The following FCHSD2 variants were observed in gnomAD, a reference collection of about 807,000 sequenced individuals.
FCHSD2 encodes FCH and double SH3 domains 2, also known as F-BAR and double SH3 domains protein 2.
Under a neutral mutation model 108.1 loss-of-function variants are expected in FCHSD2, and 38 were observed. The observed-to-expected ratio is 0.35, with a 90% CI of 0.27 to 0.46. The LOEUF is 0.46. Ranked by LOEUF, FCHSD2 falls within the 20% of genes least tolerant of loss-of-function variation. FCHSD2 has a pLI of 1.00. For synonymous variants in FCHSD2, 279 were observed against 314.7 expected, an observed-to-expected ratio of 0.89 and a Z score of 1.20; for missense variants, 751 against 897.8, an observed-to-expected ratio of 0.84 and a Z score of 2.09.
At chr11:72,936,147 A>G (rs948001493) in intron 8 of FCHSD2, among the ~76,000 whole-genome samples, 3 of 152,244 alleles carry the variant, frequency 2.0e-5, no homozygotes, top group African/African-American at 4.8e-5. Context: ...TATCTGACAG[A>G]ATCATAAGAG....
At position 72,968,407 on chromosome 11, in the gene FCHSD2, T is replaced by C. The variant is rs1055729614; in HGVS notation, c.705+15681A>G. ...AACGGTTACTCCTCTCCAGAGGCTA[T>C]TTTTCAGATGTGCTATCTTACCTGT... On this transcript the variant is annotated intron_variant, in intron 8 of 19. Coordinates refer to ENST00000409418, the MANE Select transcript of FCHSD2 (RefSeq NM_014824.3). 8.1e-4 allele frequency among the ~76,000 whole-genome samples: 124 copies of C among 152,224 alleles called. 2 individuals carry two copies. The highest frequency in any genetic ancestry group is 2.8e-4 in the Non-Finnish European group (19 of 68,032).
chr11:73,054,716 C>A (rs749908348), intron 3 of FCHSD2, among the ~76,000 whole-genome samples: 2 of 152,032 alleles, frequency 1.3e-5, no homozygotes, highest in Non-Finnish European at 2.9e-5. Flanking sequence ...GGCTTTGTCA[C>A]CCAGGCTGAA....
chr11:73,007,811 G>A (rs1029583187), intron 4 of FCHSD2, among the ~76,000 whole-genome samples: 2 of 152,174 alleles, frequency 1.3e-5, no homozygotes, highest in East Asian at 1.9e-4. Flanking sequence ...TTGGATGACT[G>A]TATCAGTATC....
At chr11:73,021,777 T>C (rs1858112716) in intron 3 of FCHSD2, among the ~76,000 whole-genome samples, 1 of 152,102 alleles carries the variant, frequency 6.6e-6, no homozygotes, top group Non-Finnish European at 1.5e-5. Context: ...AATACGTCCT[T>C]AACCTAATAA....
chr11:73,056,029 TA>T (rs1245691423), intron 3 of FCHSD2, among the ~76,000 whole-genome samples: 1 of 151,956 alleles, frequency 6.6e-6, no homozygotes, highest in African/African-American at 2.4e-5. Context: ...TTTACCACAA[TA>T]AAAAAAATCT....
chr11:73,095,503 G>A (rs1272314078), intron 2 of FCHSD2, among the ~76,000 whole-genome samples: 1 of 152,052 alleles, frequency 6.6e-6, no homozygotes, highest in Non-Finnish European at 1.5e-5. Context: ...AAGAAACAAA[G>A]AGAGTAAGAA....
At chr11:72,983,963 T>G (rs559308407) in intron 8 of FCHSD2, 125 bp downstream of exon 8, 28 of 758,414 alleles carry the variant, frequency 3.7e-5, no homozygotes, top group Non-Finnish European at 5.0e-5. Context: ...ACAAGTATAT[T>G]CCAATGAGAT....
intron 10 of FCHSD2, among the ~76,000 whole-genome samples, chr11:72,893,748 C>CAA (rs369829973): frequency 1.6e-3 from 159 of 101,034 alleles, no homozygotes; most frequent in Middle Eastern, 4.8e-3. Context: ...ACTCTGTCTC[C>CAA]AAAAAAAAAA....
At chr11:73,040,799 G>A (rs1858616933) in intron 3 of FCHSD2, among the ~76,000 whole-genome samples, 1 of 152,060 alleles carries the variant, frequency 6.6e-6, no homozygotes, top group Non-Finnish European at 1.5e-5. Context: ...ATCCGACTGT[G>A]CTATAAAATA....
chr11:73,037,992 T>C (rs1262521383), intron 3 of FCHSD2, among the ~76,000 whole-genome samples: 3 of 152,226 alleles, frequency 2.0e-5, no homozygotes, highest in Non-Finnish European at 4.4e-5. Context: ...ATTACTCTGA[T>C]GAAAAGATTC....
intron 2 of FCHSD2, among the ~76,000 whole-genome samples, chr11:73,130,121 G>A (rs578212525): frequency 2.5e-4 from 38 of 152,026 alleles, no homozygotes; most frequent in Middle Eastern, 3.4e-3. Flanking sequence ...TGATCCGCCC[G>A]CCTTGGCCTC....
intron 2 of FCHSD2, among the ~76,000 whole-genome samples, chr11:73,121,912 G>T (rs1860743215): frequency 6.6e-6 from 1 of 152,108 alleles, no homozygotes; most frequent in Non-Finnish European, 1.5e-5. Flanking sequence ...CACTGGTCTA[G>T]GAAATACACT....
chr11:72,866,032 T>C (rs1250883425), intron 13 of FCHSD2, among the ~76,000 whole-genome samples: 1 of 152,132 alleles, frequency 6.6e-6, no homozygotes, highest in Non-Finnish European at 1.5e-5. Flanking sequence ...CAAAGTCAGA[T>C]GGTATATGGC....
chr11:72,862,563 T>C (rs904879085), intron 13 of FCHSD2, among the ~76,000 whole-genome samples: 2 of 152,176 alleles, frequency 1.3e-5, no homozygotes, highest in African/African-American at 4.8e-5. Flanking sequence ...CTACAAAACA[T>C]TGCTGAGAGA....
At chr11:73,019,447 T>C (rs1475363478) in intron 3 of FCHSD2, among the ~76,000 whole-genome samples, 1 of 152,210 alleles carries the variant, frequency 6.6e-6, no homozygotes, top group Non-Finnish European at 1.5e-5. Context: ...GAGTGGACTT[T>C]ATCTATTTTT....
intron 2 of FCHSD2, among the ~76,000 whole-genome samples, chr11:73,086,408 A>AAAAC (rs972823007): frequency 6.6e-6 from 1 of 152,182 alleles, no homozygotes; most frequent in African/African-American, 2.4e-5. Flanking sequence ...ACTCCATCTC[A>AAAAC]AAACAAACAA....
intron 3 of FCHSD2, among the ~76,000 whole-genome samples, chr11:73,064,641 A>AT (rs746529474): frequency 1.2e-4 from 18 of 152,282 alleles, no homozygotes; most frequent in Non-Finnish European, 2.2e-4. Context: ...TGATATCCTT[A>AT]TATCAGTGGT....
At chr11:73,003,660 G>A (rs1432890761) in intron 4 of FCHSD2, among the ~76,000 whole-genome samples, 1 of 151,026 alleles carries the variant, frequency 6.6e-6, no homozygotes, top group East Asian at 2.0e-4. Flanking sequence ...CTAATTTTTT[G>A]TATTTTTAGT....
intron 13 of FCHSD2, among the ~76,000 whole-genome samples, chr11:72,852,453 TTTG>T (rs1381705599): frequency 6.6e-6 from 1 of 152,030 alleles, no homozygotes; most frequent in Non-Finnish European, 1.5e-5. Flanking sequence ...ATCCCAGCAC[TTTG>T]GAAGGCTAAA....
Sources: gnomAD v4.1 joint callset for allele counts (sites outside exome capture counted in the v4.1 genomes callset) on GRCh38, gnomAD v4.1.1 for gene constraint, MANE v1.5 for transcripts, NCBI Gene and HGNC (gene_info 2026-07-23, HGNC 2026-07-21) for gene names.